Variants in GPR107 observed in about 807,000 individuals in gnomAD.
GPR107 encodes the protein protein GPR107.
GPR107 carries 31 observed loss-of-function variants against 75.5 expected under a neutral mutation model. The ratio of observed to expected loss-of-function variants is 0.41; its 90% CI spans 0.31 to 0.55. The LOEUF (loss-of-function observed/expected upper bound fraction) is 0.55, where lower values mean the gene tolerates loss of function less well. GPR107 is among the 20% of genes least tolerant of loss of function. The pLI, the probability that GPR107 is intolerant of heterozygous loss-of-function variation, is 0.26. For missense variants in GPR107, 572 were observed against 665.7 expected (o/e 0.86, Z 1.55); for synonymous variants, 267 against 251.3 (o/e 1.06, Z -0.59).
chr9:130,092,096 T>C, intron 8 of GPR107, 152 bp from the exon 9 acceptor site: 1 of 634,594 alleles, frequency 1.6e-6, no homozygotes, highest in Non-Finnish European at 2.8e-6. Flanking sequence ...CGCCTCAGCC[T>C]CCCAAAGTGC....
At chr9:130,118,971 G>A (rs532420006) in intron 14 of GPR107, among the ~76,000 whole-genome samples, 5 of 152,286 alleles carry the variant, frequency 3.3e-5, no homozygotes, top group South Asian at 2.1e-4. Flanking sequence ...TTCTTTCACC[G>A]TATTTGCTGC....
intron 1 of GPR107, among the ~76,000 whole-genome samples, chr9:130,067,169 CTG>C (rs1322960510): frequency 6.6e-6 from 1 of 152,128 alleles, no homozygotes; most frequent in African/African-American, 2.4e-5. Flanking sequence ...TATAATGAGA[CTG>C]TGCTGTGTAC....
chr9:130,101,044 T>C (rs553226185), intron 11 of GPR107, 62 bp from the exon 12 acceptor site: 246 of 936,866 alleles, frequency 2.6e-4, no homozygotes, highest in Middle Eastern at 4.3e-4. Context: ...AGCTATGCAA[T>C]CTAACTGGCA....
rs1831992595 is a variant in GPR107, at chr9:130,137,678, A to G, written c.*2557A>G. On this transcript the variant is annotated 3_prime_UTR_variant, in exon 18 of 18. Coordinates refer to ENST00000347136, the MANE Select transcript of GPR107 (RefSeq NM_020960.5). Reference sequence around the variant, plus strand: ...CTCCTTCACGTCATAGCCGTGACCCACCGTTCATCTCTGCTCTTGCGTAAA... The same window carrying G: ...CTCCTTCACGTCATAGCCGTGACCCGCCGTTCATCTCTGCTCTTGCGTAAA... 1 of 152,112 alleles carries G rather than the reference A, an allele frequency of 6.6e-6. No individual in the cohort carries two copies. The highest frequency in any genetic ancestry group is 1.5e-5 in the Non-Finnish European group (1 of 68,026). 9.4% of individuals were successfully genotyped at this position (152,112 alleles called of 1,614,324 possible). A position where few individuals can be genotyped will look rare whatever the true frequency, so the allele number is the denominator to read the frequency against.
At chr9:130,090,829 T>G (rs1363750368) in intron 7 of GPR107, 47 bp from the exon 8 acceptor site, 1 of 688,810 alleles carries the variant, frequency 1.5e-6, no homozygotes, top group Non-Finnish European at 2.5e-6. Flanking sequence ...AAAATATATA[T>G]CGCTGAGGAT....
At chr9:130,105,949 C>T (rs574919925) in intron 13 of GPR107, among the ~76,000 whole-genome samples, 18 of 152,132 alleles carry the variant, frequency 1.2e-4, no homozygotes, top group South Asian at 2.1e-4. Flanking sequence ...CATGAGCCAC[C>T]GCACCCAGTG....
chr9:130,086,229 A>G (rs190987474), intron 6 of GPR107, among the ~76,000 whole-genome samples, 191 bp from the exon 7 acceptor site: 68 of 152,350 alleles, frequency 4.5e-4, no homozygotes, highest in Non-Finnish European at 4.3e-4. Flanking sequence ...GGTGAAGAAC[A>G]ACTACCATTC....
At chr9:130,108,573 C>T (rs1043994238) in intron 14 of GPR107, among the ~76,000 whole-genome samples, 1 of 152,228 alleles carries the variant, frequency 6.6e-6, no homozygotes, top group African/African-American at 2.4e-5. Flanking sequence ...TATGGCATTC[C>T]TGCTGTCCAG....
intron 11 of GPR107, 25 bp from the exon 12 acceptor site, chr9:130,101,081 G>A: frequency 7.9e-7 from 1 of 1,265,540 alleles, no homozygotes; most frequent in Non-Finnish European, 1.2e-6. Flanking sequence ...ACCTGCTGGT[G>A]TCTGTTCCTT....
At position 130,136,910 on chromosome 9, in the gene GPR107, C is replaced by T. The variant is rs910505804; in HGVS notation, c.*1789C>T. On this transcript the variant is annotated 3_prime_UTR_variant, in exon 18 of 18. Coordinates refer to ENST00000347136, the MANE Select transcript of GPR107 (RefSeq NM_020960.5). ...CATCTTCAGGAGAAAGGTAAATGCACCCTAAGTGTTCACTTCTGGACCTTT... is the reference window on the plus strand; with the variant it reads ...CATCTTCAGGAGAAAGGTAAATGCATCCTAAGTGTTCACTTCTGGACCTTT... 2.6e-5 allele frequency: 4 copies of T among 152,176 alleles called. No homozygotes were observed. The highest frequency in any genetic ancestry group is 5.9e-5 in the Non-Finnish European group (4 of 68,040). The allele number at this position is 152,176 out of a possible 1,614,324, so 9.4% of individuals were successfully genotyped here.
At chr9:130,069,676 T>G (rs1451644463) in intron 1 of GPR107, among the ~76,000 whole-genome samples, 1 of 152,052 alleles carries the variant, frequency 6.6e-6, no homozygotes, top group African/African-American at 2.4e-5. Context: ...CAACAGTACT[T>G]TCTTTCTTTT....
At chr9:130,072,386 A>T (rs1830231700) in intron 1 of GPR107, among the ~76,000 whole-genome samples, 1 of 151,610 alleles carries the variant, frequency 6.6e-6, no homozygotes, top group Admixed American at 6.6e-5. Flanking sequence ...CGCCCAGCTA[A>T]TTTTTTGTGT....
intron 14 of GPR107, among the ~76,000 whole-genome samples, chr9:130,110,779 G>A (rs963444607): frequency 1.3e-5 from 2 of 152,196 alleles, no homozygotes; most frequent in Middle Eastern, 3.2e-3. Context: ...GAAAGCGGGA[G>A]TGGGCATGCT....
intron 1 of GPR107, among the ~76,000 whole-genome samples, chr9:130,054,939 A>T (rs1440207562): frequency 6.6e-6 from 1 of 152,168 alleles, no homozygotes. Flanking sequence ...AAAATTAAAA[A>T]TTAACCAGGT....
chr9:130,132,377 C>G (rs1831848117), intron 17 of GPR107, among the ~76,000 whole-genome samples: 1 of 152,220 alleles, frequency 6.6e-6, no homozygotes. Flanking sequence ...GAGTAGGAAT[C>G]AAGGCCATCC....
chr9:130,121,971 A>C (rs900575711), intron 14 of GPR107, among the ~76,000 whole-genome samples: 1 of 151,898 alleles, frequency 6.6e-6, no homozygotes. Context: ...GCTCACTGCA[A>C]GCTCTGCCTC....
intron 12 of GPR107, among the ~76,000 whole-genome samples, chr9:130,102,894 C>T (rs1589514330): frequency 6.6e-6 from 1 of 152,164 alleles, no homozygotes; most frequent in Non-Finnish European, 1.5e-5. Flanking sequence ...GGCGATCCTC[C>T]TGCCTCAGTC....
At position 130,054,018 on chromosome 9, in the gene GPR107, T is replaced by G; in HGVS notation, c.86T>G (p.Leu29Trp). The G allele has an allele frequency of 6.4e-7, 1 of 1,554,428 alleles. No individual in the cohort carries two copies. Among genetic ancestry groups the G allele is most frequent in the Non-Finnish European group, 8.7e-7 (1 of 1,149,062 alleles). ...CTCCGGCTGCTCCCAATGCTGGGTT[T>G]GCTGCAGTTGCTGGCCGAGCCTGGC... Reference protein sequence around the residue: ...AGLRLLPMLGLLQLLAEPGLG... With the variant: ...AGLRLLPMLGWLQLLAEPGLG... Residue 29 changes from leucine to tryptophan, a missense_variant, in exon 1 of 18, where the codon TTG (leucine) becomes TGG (tryptophan). Transcript: ENST00000347136.
intron 9 of GPR107, 144 bp from the exon 10 acceptor site, chr9:130,099,313 T>G: frequency 1.7e-6 from 1 of 575,414 alleles, no homozygotes; most frequent in Admixed American, 3.0e-5. Context: ...AGACCCTGTC[T>G]CAAAAAAAAA....
Sources: allele counts gnomAD v4.1 joint callset (sites outside exome capture counted in the v4.1 genomes callset), GRCh38; gene constraint gnomAD v4.1.1; transcripts MANE v1.5; gene names NCBI Gene and HGNC (gene_info 2026-07-23, HGNC 2026-07-21).